TMLHE: variants seen among roughly 807,000 people sequenced by gnomAD.
TMLHE encodes the protein trimethyllysine dioxygenase, mitochondrial.
TMLHE carries 18 observed loss-of-function variants against 25.7 expected under a neutral mutation model. The observed-to-expected ratio is 0.70, with a 90% CI of 0.48 to 1.04. The LOEUF is 1.04. TMLHE is among the 50% of genes least tolerant of loss of function. The pLI is 0.00. For synonymous variants in TMLHE, 105 were observed against 97.0 expected (o/e 1.08, Z -0.49); for missense variants, 236 against 259.0 (o/e 0.91, Z 0.61).
At chrX:155,512,231 T>C (rs1557333722) in intron 4 of TMLHE, among the ~76,000 whole-genome samples, 1 of 109,872 alleles carries the variant, frequency 9.1e-6, no homozygotes, top group Non-Finnish European at 1.9e-5. Flanking sequence ...GTTTGTTACA[T>C]ATGTATACAT....
chrX:155,560,567 TGATCAAAGGAGGAGTTAGTC>T lies in TMLHE; in HGVS notation c.-1-15310_-1-15291del, dbSNP rs1557341676. On this transcript the variant is annotated intron_variant, in intron 1 of 7. Coordinates refer to ENST00000334398, the MANE Select transcript of TMLHE (RefSeq NM_018196.4). ...AGGCCTCATTAAGAAAGATGACATTTGATCAAAGGAGGAGTTAGTCATAAGGATATCTGGGGTAAAGTAGA... is the reference window on the plus strand; with the variant it reads ...AGGCCTCATTAAGAAAGATGACATTTATAAGGATATCTGGGGTAAAGTAGA... Among the ~76,000 whole-genome samples, 34 of 56,240 alleles carry T rather than the reference TGATCAAAGGAGGAGTTAGTC, an allele frequency of 6.0e-4. 15 individuals are homozygous for T. In the East Asian group the frequency reaches 0.024, roughly 40 times the overall value. 48.8% of individuals were successfully genotyped at this position (56,240 alleles called of 115,157 possible). A position where few individuals can be genotyped will look rare whatever the true frequency, so the allele number is the denominator to read the frequency against.
intron 2 of TMLHE, among the ~76,000 whole-genome samples, chrX:155,542,140 A>T: frequency 9.0e-6 from 1 of 110,814 alleles, no homozygotes; most frequent in Non-Finnish European, 1.9e-5. Context: ...CCTGAATGGT[A>T]TTGCCTAGGT....
chrX:155,593,444 C>T (rs1482674404), intron 1 of TMLHE, among the ~76,000 whole-genome samples: 4 of 112,070 alleles, frequency 3.6e-5, no homozygotes, highest in Non-Finnish European at 7.5e-5. Flanking sequence ...GAAGGTCCAT[C>T]CCTGCCAAAG....
intron 2 of TMLHE, among the ~76,000 whole-genome samples, chrX:155,537,098 T>G (rs1031996074): frequency 2.7e-5 from 3 of 111,889 alleles, no homozygotes; most frequent in South Asian, 3.7e-4. Context: ...CAGGTATTCA[T>G]CATCTATAGA....
At chrX:155,592,959 T>C (rs781936538) in intron 1 of TMLHE, among the ~76,000 whole-genome samples, 1 of 111,623 alleles carries the variant, frequency 9.0e-6, no homozygotes, top group African/African-American at 3.3e-5. Context: ...CACAGCACAT[T>C]TTGGCAAAGC....
At chrX:155,512,466 A>G (rs1339665606) in intron 4 of TMLHE, among the ~76,000 whole-genome samples, 2 of 109,451 alleles carry the variant, frequency 1.8e-5, no homozygotes, top group South Asian at 3.9e-4. Flanking sequence ...AGGATTTCCA[A>G]TTTCATCCAT....
At chrX:155,583,614 G>T (rs1299477251) in intron 1 of TMLHE, among the ~76,000 whole-genome samples, 1 of 111,805 alleles carries the variant, frequency 8.9e-6, no homozygotes, top group Non-Finnish European at 1.9e-5. Context: ...TATGCAAAAT[G>T]GAATACTATT....
intron 1 of TMLHE, among the ~76,000 whole-genome samples, chrX:155,556,647 G>A (rs1557340895): frequency 1.8e-5 from 2 of 109,913 alleles, no homozygotes; most frequent in East Asian, 2.9e-4. Flanking sequence ...GGACGGAAGC[G>A]AAATTAAAAT....
chrX:155,512,338 T>G (rs1307016434), intron 4 of TMLHE, among the ~76,000 whole-genome samples: 26 of 71,589 alleles, frequency 3.6e-4, no homozygotes, highest in South Asian at 8.7e-4. Flanking sequence ...CCCACAACAG[T>G]CCCCAGAGTG....
At position 155,573,986 on chromosome X, in the gene TMLHE, TAATAA is replaced by T. The variant is rs782520522; in HGVS notation, c.-1-28714_-1-28710del. ...TACCCTAAAACTTAAAGTATAATAA[TAATAA>T]AATAAAATAAAATAAAATAATACAA... is the stretch of plus-strand genomic sequence containing the variant. On this transcript the variant is annotated intron_variant, in intron 1 of 7. Coordinates refer to ENST00000334398, the MANE Select transcript of TMLHE (RefSeq NM_018196.4). Among the ~76,000 whole-genome samples, 85 of 104,036 alleles carry T rather than the reference TAATAA, an allele frequency of 8.2e-4. 3 individuals carry two copies. Among genetic ancestry groups the T allele is most frequent in the East Asian group, 1.8e-3 (6 of 3,400 alleles). The allele number at this position is 104,036 out of a possible 115,157, so 90.3% of individuals were successfully genotyped here. A position where few individuals can be genotyped will look rare whatever the true frequency, so the allele number is the denominator to read the frequency against.
In TMLHE at chrX:155,549,978, G is replaced by C. The variant is rs782163894; in HGVS notation, c.-1-4701C>G. Among the ~76,000 whole-genome samples the C allele has an allele frequency of 5.0e-4, 55 of 109,896 alleles. 3 individuals are homozygous for C. Among genetic ancestry groups the C allele is most frequent in the African/African-American group, 1.8e-3 (52 of 29,709 alleles). On this transcript the variant is annotated intron_variant, in intron 1 of 7. Coordinates refer to ENST00000334398, the MANE Select transcript of TMLHE (RefSeq NM_018196.4). ...TTATGAGTGAGAACACGTGGTGTTT[G>C]GTTTTCTCTTCCTGTGTTAGTTTGC...
intron 1 of TMLHE, among the ~76,000 whole-genome samples, chrX:155,573,728 C>G (rs1557343484): frequency 2.0e-5 from 1 of 50,361 alleles, no homozygotes; most frequent in African/African-American, 4.8e-5. Flanking sequence ...TAAACTATCA[C>G]AAGAACAAAA....
At chrX:155,526,346 G>A (rs1350608954) in intron 2 of TMLHE, among the ~76,000 whole-genome samples, 2 of 112,989 alleles carry the variant, frequency 1.8e-5, no homozygotes, top group Admixed American at 9.3e-5. Flanking sequence ...CAGGCCCCAA[G>A]TGGTGGCTTC....
Position 155,580,060 on chromosome X carries a change from T to A in TMLHE, c.-2+32732A>T, listed in dbSNP as rs781901792. On this transcript the variant is annotated intron_variant, in intron 1 of 7. Coordinates refer to ENST00000334398, the MANE Select transcript of TMLHE (RefSeq NM_018196.4). The stretch of plus-strand genomic sequence containing the variant: ...ACCTGGAGAATGGGAGAAAAATATT[T>A]GCAAACGATGCATCCAACATGAACC... 2.9e-3 allele frequency among the ~76,000 whole-genome samples: 320 copies of A among 111,704 alleles called. 1 individual carries two copies. The highest frequency in any genetic ancestry group is 9.8e-3 in the African/African-American group (301 of 30,742).
intron 1 of TMLHE, among the ~76,000 whole-genome samples, chrX:155,566,346 T>C (rs1352080376): frequency 3.2e-5 from 2 of 61,833 alleles, no homozygotes; most frequent in African/African-American, 7.2e-5. Context: ...GTATCAAAGA[T>C]ATATTTTTCT....
At chrX:155,584,490 G>A (rs913381045) in intron 1 of TMLHE, among the ~76,000 whole-genome samples, 3 of 110,614 alleles carry the variant, frequency 2.7e-5, no homozygotes, top group Admixed American at 9.7e-5. Flanking sequence ...AAGAGACTTC[G>A]ACATCCATAT....
chrX:155,549,992 G>C (rs2067403603), intron 1 of TMLHE, among the ~76,000 whole-genome samples: 1 of 109,996 alleles, frequency 9.1e-6, no homozygotes, highest in Admixed American at 9.6e-5. Context: ...TTCTCTTCCT[G>C]TGTTAGTTTG....
At chrX:155,547,237 C>CG (rs1216223172) in intron 1 of TMLHE, among the ~76,000 whole-genome samples, 2 of 92,356 alleles carry the variant, frequency 2.2e-5, no homozygotes, top group Admixed American at 1.2e-4. Flanking sequence ...CTCCGCCTCC[C>CG]GGGTTCACGC....
rs1210147728 is a variant in TMLHE, at chrX:155,566,611, A to G, written c.-1-21334T>C. 4.9e-5 allele frequency among the ~76,000 whole-genome samples: 3 copies of G among 61,566 alleles called. 1 individual carries two copies. The highest frequency in any genetic ancestry group is 1.1e-4 in the African/African-American group (3 of 27,776). The allele number at this position is 61,566 out of a possible 115,157, so 53.5% of individuals were successfully genotyped here. On this transcript the variant is annotated intron_variant, in intron 1 of 7. Coordinates refer to ENST00000334398, the MANE Select transcript of TMLHE (RefSeq NM_018196.4). The stretch of plus-strand genomic sequence containing the variant: ...GTAAAGTAAGAGATGGGCCAATGTT[A>G]GATTGAATGGTTCATTATTTCCCTG...
Sources: gnomAD v4.1 joint callset for allele counts (sites outside exome capture counted in the v4.1 genomes callset) on GRCh38, gnomAD v4.1.1 for gene constraint, MANE v1.5 for transcripts, NCBI Gene and HGNC (gene_info 2026-07-23, HGNC 2026-07-21) for gene names.